AK9: variants seen among roughly 807,000 people sequenced by gnomAD.
AK9 encodes the protein adenylate kinase domain containing 1.
AK9 carries 191 observed loss-of-function variants against 239.6 expected under a neutral mutation model. The ratio of observed to expected loss-of-function variants is 0.80; its 90% CI spans 0.71 to 0.90. The LOEUF is 0.90. Ranked by LOEUF, AK9 falls within the 40% of genes least tolerant of loss-of-function variation. AK9 has a pLI of 0.00. For missense variants in AK9, 1,995 were observed against 2,214.7 expected, an observed-to-expected ratio of 0.90 and a Z score of 1.99; for synonymous variants, 689 against 721.0, an observed-to-expected ratio of 0.96 and a Z score of 0.71.
At chr6:109,567,877 TA>T (rs1562421799) in intron 21 of AK9, among the ~76,000 whole-genome samples, 1 of 84,056 alleles carries the variant, frequency 1.2e-5, no homozygotes, top group Non-Finnish European at 2.6e-5. Flanking sequence ...GAACTTAAAG[TA>T]AAATAAAAAA....
At chr6:109,561,205 G>A (rs9374102) in intron 24 of AK9, among the ~76,000 whole-genome samples, 87,987 of 151,488 alleles carry the variant, frequency 0.58, 27,193 homozygotes, top group South Asian at 0.84. Context: ...GCCTGCCTCG[G>A]CTTCCCAAAG....
chr6:109,545,959 C>A lies in AK9; in HGVS notation c.3133G>T (p.Asp1045Tyr). The A allele has an allele frequency of 6.2e-7, 1 of 1,614,204 alleles. No homozygotes were observed. Among genetic ancestry groups the A allele is most frequent in the Non-Finnish European group, 8.5e-7 (1 of 1,180,044 alleles). Residue 1045 changes from aspartate to tyrosine, a missense_variant, in exon 26 of 41, where the codon GAT becomes TAT. Coordinates refer to ENST00000424296, the MANE Select transcript of AK9 (RefSeq NM_001145128.3). ...TTGGCAGCTTGCTCGTTCTCAGAAT[C>A]TTCCTCAAATTCAGGTCCCACTTTC... ...EKKVGPEFEEDSENEQAAKQE... is the reference protein window; with the variant it reads ...EKKVGPEFEEYSENEQAAKQE...
chr6:109,504,297 A>T (rs575718137), intron 35 of AK9, among the ~76,000 whole-genome samples: 1 of 152,096 alleles, frequency 6.6e-6, no homozygotes, highest in African/African-American at 2.4e-5. Flanking sequence ...CTAGGAGTTC[A>T]AAGCTACAGT....
chr6:109,684,017 A>G (rs1161701478), intron 1 of AK9, among the ~76,000 whole-genome samples: 2 of 152,246 alleles, frequency 1.3e-5, no homozygotes, highest in Non-Finnish European at 2.9e-5. Flanking sequence ...GGCTACAGTA[A>G]CTAAAACAGC....
chr6:109,656,319 C>A (rs1799695259), intron 8 of AK9, among the ~76,000 whole-genome samples: 2 of 152,160 alleles, frequency 1.3e-5, no homozygotes, highest in Non-Finnish European at 2.9e-5. Context: ...AATGGGATAA[C>A]CATAGACCAA....
At chr6:109,628,186 C>T (rs1795755581) in intron 12 of AK9, among the ~76,000 whole-genome samples, 1 of 152,134 alleles carries the variant, frequency 6.6e-6, no homozygotes, top group South Asian at 2.1e-4. Context: ...GCAACTGGGC[C>T]AGATGTCTCA....
At chr6:109,655,917 G>A (rs1002590841) in intron 8 of AK9, among the ~76,000 whole-genome samples, 24 of 152,268 alleles carry the variant, frequency 1.6e-4, no homozygotes, top group African/African-American at 5.8e-4. Context: ...AAGCAATTAA[G>A]TGTGGTTCTC....
At chr6:109,603,068 C>T (rs543702830) in intron 17 of AK9, among the ~76,000 whole-genome samples, 18 of 152,268 alleles carry the variant, frequency 1.2e-4, no homozygotes, top group Admixed American at 2.0e-4. Context: ...TTCTTCTCTC[C>T]GCTCGTCAAG....
intron 8 of AK9, among the ~76,000 whole-genome samples, chr6:109,652,869 C>T (rs1799166337): frequency 6.6e-6 from 1 of 152,114 alleles, no homozygotes; most frequent in South Asian, 2.1e-4. Context: ...TTCAGTAACA[C>T]AGAATATCCT....
At chr6:109,568,212 T>A (rs770580290) in intron 21 of AK9, among the ~76,000 whole-genome samples, 32 of 152,226 alleles carry the variant, frequency 2.1e-4, no homozygotes, top group South Asian at 8.3e-4. Context: ...GAAAAGGCCT[T>A]CAAGAAAATT....
Position 109,633,216 on chromosome 6 carries a change from G to T in AK9, c.1041C>A (p.Asn347Lys). ...AATAATCTGGTAATCCTGAATAAATGTTACCATCTTTTAAATTCACAGGAC... is the reference window on the plus strand; with the variant it reads ...AATAATCTGGTAATCCTGAATAAATTTTACCATCTTTTAAATTCACAGGAC... ...RTCPVNLKDG[N>K]IYSGLPDYSV... Residue 347 changes from asparagine (N) to lysine (K), a missense_variant, in exon 11 of 41, where the codon AAC (asparagine) becomes AAA (lysine). Physicochemically the swap from Asn to Lys is moderately conservative, Grantham distance 94. This residue lies in a region of AK9 where 1,290 missense variants were observed against 1,392.7 expected (regional missense o/e 0.93). Transcript: ENST00000424296. 6.2e-7 allele frequency: 1 copy of T among 1,601,750 alleles called. No individual in the cohort carries two copies.
At chr6:109,658,448 T>C (rs1055984443) in intron 7 of AK9, among the ~76,000 whole-genome samples, 5 of 152,092 alleles carry the variant, frequency 3.3e-5, no homozygotes, top group African/African-American at 1.2e-4. Context: ...TTAAGTGCTA[T>C]AAGGAAAATA....
intron 17 of AK9, among the ~76,000 whole-genome samples, chr6:109,602,511 T>C (rs535045064): frequency 1.8e-3 from 271 of 152,344 alleles, no homozygotes; most frequent in Middle Eastern, 0.017. Context: ...TTAACATTTT[T>C]TCCTTCATTT....
intron 8 of AK9, among the ~76,000 whole-genome samples, chr6:109,651,475 T>G (rs529414649): frequency 3.1e-4 from 47 of 152,220 alleles, no homozygotes; most frequent in African/African-American, 1.1e-3. Context: ...AGGAACGATC[T>G]AAAATCGACA....
chr6:109,577,865 T>G (rs1383889822), intron 20 of AK9, among the ~76,000 whole-genome samples: 1 of 150,278 alleles, frequency 6.7e-6, no homozygotes, highest in African/African-American at 2.4e-5. Context: ...TTTTTCTTTC[T>G]TTCTTTTTCT....
At chr6:109,538,016 T>C (rs1005612682) in intron 27 of AK9, among the ~76,000 whole-genome samples, 1 of 152,226 alleles carries the variant, frequency 6.6e-6, no homozygotes, top group African/African-American at 2.4e-5. Context: ...AGGAGTTCTT[T>C]ACTTCCAACT....
chr6:109,600,597 T>C (rs1791798682), intron 17 of AK9, among the ~76,000 whole-genome samples: 1 of 152,222 alleles, frequency 6.6e-6, no homozygotes, highest in African/African-American at 2.4e-5. Flanking sequence ...CCTCATAAAA[T>C]GACTTAGGGA....
intron 12 of AK9, 63 bp downstream of exon 12, chr6:109,632,860 G>GATAGATAGATAGAT (rs753404584): frequency 1.2e-6 from 1 of 844,532 alleles, no homozygotes; most frequent in African/African-American, 2.2e-5. Flanking sequence ...ATGACAGATA[G>GATAGATAGATAGAT]ACATAGATAG....
At chr6:109,564,424 C>A in intron 22 of AK9, 144 bp from the exon 23 acceptor site, 1 of 607,072 alleles carries the variant, frequency 1.6e-6, no homozygotes, top group Non-Finnish European at 2.7e-6. Context: ...TTCATAAATT[C>A]ATAATTTAAT....
Sources: gnomAD v4.1 joint callset for allele counts (sites outside exome capture counted in the v4.1 genomes callset) on GRCh38, gnomAD v4.1.1 for gene constraint, gnomAD v4.1.1 regional missense constraint, MANE v1.5 for transcripts, NCBI Gene and HGNC (gene_info 2026-07-23, HGNC 2026-07-21) for gene names.